The following SMARCC1 variants were observed in gnomAD, a reference collection of about 807,000 sequenced individuals.
SMARCC1 encodes the protein SWI/SNF related BAF chromatin remodeling complex subunit C1, also known as SWI/SNF complex subunit SMARCC1.
SMARCC1 carries 43 observed loss-of-function variants against 147.4 expected under a neutral mutation model. The ratio of observed to expected loss-of-function variants is 0.29; its 90% CI spans 0.23 to 0.38. SMARCC1 has a LOEUF of 0.38. SMARCC1 is among the 10% of genes least tolerant of loss of function. The pLI is 1.00. For synonymous variants in SMARCC1, 495 were observed against 484.4 expected, an observed-to-expected ratio of 1.02 and a Z score of -0.29; for missense variants, 1,119 against 1,381.1, an observed-to-expected ratio of 0.81 and a Z score of 3.01.
intron 2 of SMARCC1, among the ~76,000 whole-genome samples, chr3:47,769,848 T>C (rs752671370): frequency 2.0e-5 from 3 of 152,034 alleles, no homozygotes; most frequent in East Asian, 1.9e-4. Context: ...CAGATAACCA[T>C]AAGGAAAAAC....
intron 21 of SMARCC1, among the ~76,000 whole-genome samples, chr3:47,647,476 A>G (rs1258205688): frequency 6.6e-6 from 1 of 152,180 alleles, no homozygotes; most frequent in Non-Finnish European, 1.5e-5. Flanking sequence ...TTTTTGACAT[A>G]TTTTCAACTT....
At chr3:47,739,029 T>A (rs1309584136) in intron 3 of SMARCC1, among the ~76,000 whole-genome samples, 2 of 152,252 alleles carry the variant, frequency 1.3e-5, no homozygotes, top group Non-Finnish European at 2.9e-5. Flanking sequence ...TTTGGTAAAA[T>A]CTTTACAAAG....
Position 47,622,208 on chromosome 3 carries a change from G to A in SMARCC1, c.2780C>T (p.Ala927Val). The A allele has an allele frequency of 6.3e-7, 1 of 1,598,594 alleles. No individual in the cohort carries two copies. The highest frequency in any genetic ancestry group is 8.5e-7 in the Non-Finnish European group (1 of 1,176,288). ...CACTAAAAAATTCCAAATACTTACA[G>A]CTTCTTTCTCTCTGTCCATGATAGT... ...LETIMDREKEALEQQRQQLLT... is the reference protein window; with the variant it reads ...LETIMDREKEVLEQQRQQLLT... The change falls in exon 25 of 28, where the codon GCT becomes GTT. Residue 927 changes from alanine (A) to valine (V), a missense_variant and splice_region_variant. Around this residue, in one of 6 missense-constraint regions of SMARCC1, gnomAD observed 42 missense variants for 89.4 expected, o/e 0.47. Transcript: ENST00000254480.
At position 47,729,092 on chromosome 3, in the gene SMARCC1, T is replaced by G. The variant is rs769625213; in HGVS notation, c.579A>C (p.Gly193=). 1 of 1,608,370 alleles carries G rather than the reference T, an allele frequency of 6.2e-7. No individual in the cohort carries two copies. The highest frequency in any genetic ancestry group is 8.5e-7 in the Non-Finnish European group (1 of 1,175,702). The stretch of plus-strand genomic sequence containing the variant: ...CTTTTGACTTCTCATCCGTAAATGT[T>G]CCCTGGAAAGCAAATGAACAAAAAC... The part of the protein sequence containing the change: ...KLKDIIKRHQ[G]TFTDEKSKAS... The change falls in exon 6 of 28, where the codon GGA becomes GGC. Residue 193 remains glycine, a splice_region_variant and synonymous_variant. Coordinates refer to ENST00000254480, the MANE Select transcript of SMARCC1 (RefSeq NM_003074.4).
chr3:47,627,845 C>T (rs567332319), intron 24 of SMARCC1, among the ~76,000 whole-genome samples: 22 of 152,126 alleles, frequency 1.4e-4, no homozygotes, highest in Middle Eastern at 6.8e-3. Context: ...CTCAGCCTCC[C>T]GAGTAGATAG....
At chr3:47,633,817 C>CACACACACACATAT (rs1406763088) in intron 24 of SMARCC1, among the ~76,000 whole-genome samples, 1 of 125,354 alleles carries the variant, frequency 8.0e-6, no homozygotes, top group Non-Finnish European at 1.7e-5. Flanking sequence ...CACACACACA[C>CACACACACACATAT]ATATATATAA....
At chr3:47,736,568 C>T (rs576680198) in intron 4 of SMARCC1, among the ~76,000 whole-genome samples, 75 of 151,816 alleles carry the variant, frequency 4.9e-4, no homozygotes, top group African/African-American at 1.5e-3. Flanking sequence ...CCCAGCTACT[C>T]GGGAGGCTGA....
intron 1 of SMARCC1, among the ~76,000 whole-genome samples, chr3:47,776,575 C>T (rs1334820702): frequency 6.6e-6 from 1 of 152,150 alleles, no homozygotes; most frequent in Admixed American, 6.6e-5. Flanking sequence ...CGCACTCCAG[C>T]CTGGGTGACC....
chr3:47,613,506 C>T (rs1191507276), intron 25 of SMARCC1, among the ~76,000 whole-genome samples: 2 of 151,514 alleles, frequency 1.3e-5, no homozygotes, highest in Non-Finnish European at 1.5e-5. Context: ...ATTACAGGTG[C>T]CCACTACCAC....
chr3:47,710,553 G>T (rs2034072591), intron 9 of SMARCC1, 130 bp downstream of exon 9: 2 of 844,182 alleles, frequency 2.4e-6, no homozygotes, highest in Non-Finnish European at 3.6e-6. Flanking sequence ...TCACCTGATG[G>T]CACATCAGCC....
At chr3:47,603,792 A>C in intron 26 of SMARCC1, 2 of 325,354 alleles carry the variant, frequency 6.1e-6, no homozygotes, top group Non-Finnish European at 1.2e-5. Flanking sequence ...AGTTGGGGCC[A>C]ACCTCAGTTT....
At chr3:47,754,965 C>T (rs964452779) in intron 2 of SMARCC1, among the ~76,000 whole-genome samples, 2 of 152,198 alleles carry the variant, frequency 1.3e-5, no homozygotes, top group African/African-American at 4.8e-5. Context: ...ATCGCTTGAA[C>T]CCAGGAGGCA....
At chr3:47,614,777 G>A (rs2032613953) in intron 25 of SMARCC1, among the ~76,000 whole-genome samples, 1 of 152,280 alleles carries the variant, frequency 6.6e-6, no homozygotes. Context: ...AGTGATCCCT[G>A]ATAAACTGTA....
chr3:47,679,410 A>G, intron 15 of SMARCC1, among the ~76,000 whole-genome samples: 1 of 152,124 alleles, frequency 6.6e-6, no homozygotes, highest in East Asian at 1.9e-4. Flanking sequence ...CCAATGCAAA[A>G]CCACAAAAAT....
intron 19 of SMARCC1, chr3:47,663,723 A>T: frequency 6.6e-7 from 1 of 1,506,870 alleles, no homozygotes; most frequent in Non-Finnish European, 9.2e-7. Context: ...AGTTTCAAGG[A>T]AAAGTTCCTT....
chr3:47,710,942 AATG>A (rs2034077317), intron 8 of SMARCC1, 134 bp from the exon 9 acceptor site: 1 of 563,342 alleles, frequency 1.8e-6, no homozygotes, highest in Non-Finnish European at 3.0e-6. Flanking sequence ...TGATACTACT[AATG>A]ATATGTGAGT....
intron 2 of SMARCC1, among the ~76,000 whole-genome samples, chr3:47,757,573 G>A (rs973057836): frequency 6.6e-6 from 1 of 151,926 alleles, no homozygotes. Context: ...TCAGGAGATC[G>A]AGACCATCCT....
intron 26 of SMARCC1, among the ~76,000 whole-genome samples, chr3:47,594,956 C>T (rs1051832809): frequency 6.6e-6 from 1 of 152,234 alleles, no homozygotes; most frequent in African/African-American, 2.4e-5. Flanking sequence ...GCTGCCACTC[C>T]TCTATTCTCC....
intron 11 of SMARCC1, among the ~76,000 whole-genome samples, chr3:47,696,748 C>A (rs1469312375): frequency 1.3e-5 from 2 of 152,120 alleles, no homozygotes; most frequent in Non-Finnish European, 2.9e-5. Flanking sequence ...GTCTTGAACT[C>A]TTGACCTCAG....
Sources: allele counts gnomAD v4.1 joint callset (sites outside exome capture counted in the v4.1 genomes callset), GRCh38; gene constraint gnomAD v4.1.1; regional missense constraint gnomAD v4.1.1; transcripts MANE v1.5; gene names NCBI Gene and HGNC (gene_info 2026-07-23, HGNC 2026-07-21).